The following EEF2K variants were observed in gnomAD, a reference collection of about 807,000 sequenced individuals.
EEF2K encodes eukaryotic elongation factor 2 kinase.
Under a neutral mutation model 93.8 loss-of-function variants are expected in EEF2K, and 70 were observed. The ratio of observed to expected loss-of-function variants is 0.75; its 90% CI spans 0.62 to 0.91. The LOEUF is 0.91. Ranked by LOEUF, EEF2K falls within the 40% of genes least tolerant of loss-of-function variation. EEF2K has a pLI of 0.00. For synonymous variants in EEF2K, 376 were observed against 380.8 expected (o/e 0.99, Z 0.15); for missense variants, 935 against 972.9 (o/e 0.96, Z 0.52).
At chr16:22,254,127 C>CAATAAT (rs61678774) in intron 6 of EEF2K, among the ~76,000 whole-genome samples, 1,815 of 150,524 alleles carry the variant, frequency 0.012, 15 homozygotes, top group African/African-American at 0.025. Context: ...GTAGTAGTAA[C>CAATAAT]AATAATAATA....
intron 2 of EEF2K, 141 bp downstream of exon 2, chr16:22,226,116 TAAGC>T: frequency 1.6e-6 from 2 of 1,263,780 alleles, no homozygotes; most frequent in Non-Finnish European, 2.2e-6. Context: ...ATATACTTGT[TAAGC>T]AGGGAGGGTA....
intron 1 of EEF2K, among the ~76,000 whole-genome samples, chr16:22,213,219 G>T (rs2046931266): frequency 6.6e-6 from 1 of 152,198 alleles, no homozygotes; most frequent in African/African-American, 2.4e-5. Flanking sequence ...GATGGAGTTT[G>T]CAGTGAGCCA....
chr16:22,266,221 C>CAA (rs371101977), intron 13 of EEF2K, among the ~76,000 whole-genome samples, 169 bp from the exon 14 acceptor site: 24 of 123,104 alleles, frequency 1.9e-4, no homozygotes, highest in Non-Finnish European at 2.4e-4. Context: ...GACTCTGTCT[C>CAA]AAAAAAAAAA....
At chr16:22,233,039 T>C (rs140210144) in intron 2 of EEF2K, among the ~76,000 whole-genome samples, 59 of 152,312 alleles carry the variant, frequency 3.9e-4, no homozygotes, top group African/African-American at 1.3e-3. Context: ...CAAGCTCCCG[T>C]GGAGACGTGG....
At chr16:22,231,826 C>T (rs1233728801) in intron 2 of EEF2K, among the ~76,000 whole-genome samples, 1 of 151,340 alleles carries the variant, frequency 6.6e-6, no homozygotes, top group Non-Finnish European at 1.5e-5. Flanking sequence ...CCTGTCACTA[C>T]TAAAAATACA....
chr16:22,259,193 C>T (rs540244093), intron 10 of EEF2K, among the ~76,000 whole-genome samples: 3 of 152,218 alleles, frequency 2.0e-5, no homozygotes, highest in African/African-American at 7.2e-5. Flanking sequence ...ATTTCTGACA[C>T]TGAAAGAGTG....
Position 22,263,175 on chromosome 16 carries a change from G to A in EEF2K, c.1365G>A (p.Glu455=). 1 of 1,612,224 alleles carries A rather than the reference G, an allele frequency of 6.2e-7. No homozygotes were observed. Residue 455 remains glutamate (E), a synonymous_variant, in exon 12 of 18, where the codon GAG becomes GAA. Coordinates refer to ENST00000263026, the MANE Select transcript of EEF2K (RefSeq NM_013302.5). ...SEKRGELDDP[E]PREHGHSYSN... is the part of the protein sequence containing the mutation. ...AGCGGGGTGAGCTGGATGACCCTGA[G>A]CCCCGAGAACATGTAAGGAACCCCC...
intron 16 of EEF2K, among the ~76,000 whole-genome samples, chr16:22,277,089 A>G (rs1338766055): frequency 4.7e-5 from 7 of 149,928 alleles, no homozygotes; most frequent in Admixed American, 4.7e-4. Flanking sequence ...AAGTTTGTTG[A>G]GCATGTCACC....
chr16:22,268,334 G>T (rs976276714), intron 15 of EEF2K, among the ~76,000 whole-genome samples: 1 of 151,300 alleles, frequency 6.6e-6, no homozygotes, highest in Non-Finnish European at 1.5e-5. Context: ...GCCTGCCACC[G>T]CACCCAGCTA....
At chr16:22,230,411 G>T (rs144832810) in intron 2 of EEF2K, among the ~76,000 whole-genome samples, 1 of 151,950 alleles carries the variant, frequency 6.6e-6, no homozygotes, top group Non-Finnish European at 1.5e-5. Context: ...ATAGGGTCTC[G>T]CCATGTTGCC....
rs2047758068 is a variant in EEF2K at position 22,286,843 on chromosome 16, G to A, written c.*2847G>A. On this transcript the variant is annotated 3_prime_UTR_variant, in exon 18 of 18. Coordinates refer to ENST00000263026, the MANE Select transcript of EEF2K (RefSeq NM_013302.5). ...CAGTGCACTCACCCTTTGAGGCTCT[G>A]GTTCCTCCAAACAATGATTCGTTGT... 1 of 152,242 alleles carries A rather than the reference G, an allele frequency of 6.6e-6. No homozygotes were observed. Among genetic ancestry groups the A allele is most frequent in the African/African-American group, 2.4e-5 (1 of 41,440 alleles). 9.4% of individuals were successfully genotyped at this position (152,242 alleles called of 1,614,324 possible). A position where few individuals can be genotyped will look rare whatever the true frequency, so the allele number is the denominator to read the frequency against.
At chr16:22,237,725 A>G (rs952130750) in intron 2 of EEF2K, among the ~76,000 whole-genome samples, 14 of 152,210 alleles carry the variant, frequency 9.2e-5, no homozygotes, top group Admixed American at 6.5e-4. Flanking sequence ...AAAAGAATGC[A>G]AACAACATAG....
In EEF2K at chr16:22,280,640, G is replaced by A. The variant is rs1216296242; in HGVS notation, c.2068+264G>A. ...CATCTTAAAGTATATAGTTTAGTAGGGGGGTTTTCCTTTCCTTTCTTTCTT... is the reference window on the plus strand; with the variant it reads ...CATCTTAAAGTATATAGTTTAGTAGAGGGGTTTTCCTTTCCTTTCTTTCTT... On this transcript the variant is annotated intron_variant, in intron 17 of 17. Coordinates refer to ENST00000263026, the MANE Select transcript of EEF2K (RefSeq NM_013302.5). 3.3e-5 allele frequency among the ~76,000 whole-genome samples: 5 copies of A among 151,842 alleles called. No homozygotes were observed. The South Asian group carries it at 1.0e-3, about 32-fold the overall frequency.
intron 1 of EEF2K, among the ~76,000 whole-genome samples, chr16:22,217,997 C>T (rs1824894092): frequency 6.6e-6 from 1 of 152,166 alleles, no homozygotes; most frequent in Admixed American, 6.6e-5. Context: ...TCTGTGTTGG[C>T]CTCAGCCCCA....
chr16:22,285,449 C>T lies in EEF2K; in HGVS notation c.*1453C>T, dbSNP rs901855233. ...TAGTCTCCCCATGGCCAGACAATGG[C>T]GATTGTTATTTAATGAGCTTTTCCT... is the stretch of plus-strand genomic sequence containing the variant. On this transcript the variant is annotated 3_prime_UTR_variant, in exon 18 of 18. Coordinates refer to ENST00000263026, the MANE Select transcript of EEF2K (RefSeq NM_013302.5). 6.6e-6 allele frequency: 1 copy of T among 152,172 alleles called. No individual in the cohort carries two copies. The highest frequency in any genetic ancestry group is 1.5e-5 in the Non-Finnish European group (1 of 68,042). The allele number at this position is 152,172 out of a possible 1,614,324, so 9.4% of individuals were successfully genotyped here. A position where few individuals can be genotyped will look rare whatever the true frequency, so the allele number is the denominator to read the frequency against.
intron 2 of EEF2K, among the ~76,000 whole-genome samples, chr16:22,234,952 C>T (rs1048488644): frequency 1.4e-5 from 2 of 142,226 alleles, no homozygotes; most frequent in African/African-American, 2.6e-5. Context: ...GCCATCTCTG[C>T]TCACTGCAAC....
rs778596370 is a variant in EEF2K at position 22,286,449 on chromosome 16, T to G, written c.*2453T>G. On this transcript the variant is annotated 3_prime_UTR_variant, in exon 18 of 18. Coordinates refer to ENST00000263026, the MANE Select transcript of EEF2K (RefSeq NM_013302.5). Reference sequence around the variant, plus strand: ...TAAGTTCTTAGTTGTATGTCATCTCTTCTCTAGCAGGAATTGGCAAACTTT... The same window carrying G: ...TAAGTTCTTAGTTGTATGTCATCTCGTCTCTAGCAGGAATTGGCAAACTTT... 15 of 152,224 alleles carry G rather than the reference T, an allele frequency of 9.9e-5. No homozygotes were observed. Among genetic ancestry groups the G allele is most frequent in the Non-Finnish European group, 2.1e-4 (14 of 68,044 alleles). The allele number at this position is 152,224 out of a possible 1,614,324, so 9.4% of individuals were successfully genotyped here.
chr16:22,225,583 G>C (rs2047054194), intron 1 of EEF2K, 71 bp from the exon 2 acceptor site: 1 of 1,237,188 alleles, frequency 8.1e-7, no homozygotes, highest in Non-Finnish European at 1.1e-6. Context: ...TGCAGCATTT[G>C]GGGTGAGGGT....
chr16:22,229,578 G>A (rs1184436721), intron 2 of EEF2K, among the ~76,000 whole-genome samples: 1 of 152,154 alleles, frequency 6.6e-6, no homozygotes, highest in East Asian at 1.9e-4. Flanking sequence ...GGTGCCACCT[G>A]TGGTCCCAGC....
Sources: allele counts gnomAD v4.1 joint callset (sites outside exome capture counted in the v4.1 genomes callset), GRCh38; gene constraint gnomAD v4.1.1; transcripts MANE v1.5; gene names NCBI Gene and HGNC (gene_info 2026-07-23, HGNC 2026-07-21).